Variants in BPIFB6 observed in about 807,000 individuals in gnomAD.
BPIFB6 encodes the protein BPI fold containing family B member 6.
In BPIFB6, 47 loss-of-function variants were observed where a neutral mutation model predicts 54.7. That is an observed-to-expected ratio of 0.86 (90% confidence interval 0.68 to 1.10). BPIFB6 has a LOEUF of 1.10. BPIFB6 is among the 50% of genes least tolerant of loss of function. The pLI, the probability that BPIFB6 is intolerant of heterozygous loss-of-function variation, is 0.00. For synonymous variants in BPIFB6, 255 were observed against 225.9 expected, an observed-to-expected ratio of 1.13 and a Z score of -1.16; for missense variants, 603 against 564.1, an observed-to-expected ratio of 1.07 and a Z score of -0.70.
intron 13 of BPIFB6, 133 bp downstream of exon 13, chr20:33,043,011 G>T (rs73123529): frequency 0.032 from 25,561 of 808,538 alleles, 483 homozygotes; most frequent in Non-Finnish European, 0.038. Flanking sequence ...GAAGATAATT[G>T]CTGAATCTTT....
intron 14 of BPIFB6, 38 bp from the exon 15 acceptor site, chr20:33,043,977 C>G (rs751817674): frequency 1.2e-6 from 2 of 1,613,578 alleles, no homozygotes; most frequent in East Asian, 4.5e-5. Flanking sequence ...CTAGGTGGTC[C>G]CTGGTCATTG....
rs749040484 is a variant in BPIFB6, at chr20:33,043,314, C to A, written c.1276C>A (p.Leu426Ile). 6.2e-7 allele frequency: 1 copy of A among 1,614,074 alleles called. No homozygotes were observed. The highest frequency in any genetic ancestry group is 1.3e-5 in the African/African-American group (1 of 74,916). Residue 426 changes from leucine to isoleucine, a missense_variant, in exon 14 of 15, where the codon CTC (leucine) becomes ATC (isoleucine). Physicochemically the swap from Leu to Ile is conservative, Grantham distance 5. Transcript: ENST00000349552. ...VNDVLQVGLP[L>I]PDFLAMNYNL... is the part of the protein sequence containing the mutation. ...AGATGTGCTTCAAGTGGGGCTCCCA[C>A]TCCCGGACTTTCTGGCCATGAATTA...
In BPIFB6 at chr20:33,043,714, C is replaced by T. The variant is rs79423462; in HGVS notation, c.1330-301C>T. ...TTTACCTAAAGGCACATAGTAAGTG[C>T]TGAATAAATATTACCTTTGTATTGC... On this transcript the variant is annotated intron_variant, in intron 14 of 14. Coordinates refer to ENST00000349552, the MANE Select transcript of BPIFB6 (RefSeq NM_174897.2). Among the ~76,000 whole-genome samples the T allele has an allele frequency of 1.7e-3, 252 of 152,328 alleles. 9 individuals carry two copies. In the East Asian group the frequency reaches 0.047, roughly 28 times the overall value.
In BPIFB6 at chr20:33,039,449, C is replaced by T; in HGVS notation, c.1003C>T (p.His335Tyr). 16 of 1,614,208 alleles carry T rather than the reference C, an allele frequency of 9.9e-6. No individual in the cohort carries two copies. Among genetic ancestry groups the T allele is most frequent in the Non-Finnish European group, 1.4e-5 (16 of 1,180,030 alleles). The change falls in exon 10 of 15, where the codon CAC becomes TAC. Residue 335 changes from histidine (H) to tyrosine (Y), a missense_variant. Physicochemically the swap from His to Tyr is moderately conservative, Grantham distance 83 (BLOSUM62 2). Transcript: ENST00000349552. The part of the protein sequence containing the change: ...MKTGKSLLHL[H>Y]STLEMFAARW... ...GACAGGCAAGAGCCTGCTGCACCTC[C>T]ACAGCACCCTGGAGATGTTCGCAGC...
chr20:33,043,994 T>C (rs756091514), intron 14 of BPIFB6, 21 bp from the exon 15 acceptor site: 1 of 1,614,148 alleles, frequency 6.2e-7, no homozygotes, highest in South Asian at 1.1e-5. Flanking sequence ...ATTGCTCTCC[T>C]ACCCCTTTGC....
At chr20:33,043,520 C>G (rs1048781167) in intron 14 of BPIFB6, among the ~76,000 whole-genome samples, 153 bp downstream of exon 14, 1 of 152,320 alleles carries the variant, frequency 6.6e-6, no homozygotes, top group South Asian at 2.1e-4. Context: ...TAGAACACTC[C>G]TTGACCAGGG....
chr20:33,033,244 GCT>G (rs1979182423), intron 2 of BPIFB6, 161 bp downstream of exon 2: 7 of 694,804 alleles, frequency 1.0e-5, no homozygotes, highest in African/African-American at 1.8e-5. Context: ...GTAGGTCACT[GCT>G]CCTGCCTGTG....
In BPIFB6 at chr20:33,042,016, G is replaced by A. The variant is rs1979611137; in HGVS notation, c.1188+1G>A. On this transcript the variant is annotated splice_donor_variant, in intron 12 of 14. Coordinates refer to ENST00000349552, the MANE Select transcript of BPIFB6 (RefSeq NM_174897.2). LOFTEE classifies it high-confidence loss of function. The stretch of plus-strand genomic sequence containing the variant: ...GTCCTCATCGATTGGCAACTTCAAT[G>A]TAAGTGTCCCAAGTGCTCTTGCCTG... The A allele has an allele frequency of 6.2e-7, 1 of 1,613,964 alleles. No homozygotes were observed. Among genetic ancestry groups the A allele is most frequent in the South Asian group, 1.1e-5 (1 of 91,084 alleles).
rs2070317 is a variant in BPIFB6, at chr20:33,034,277, G to A, written c.289G>A (p.Val97Ile). The change falls in exon 3 of 15, where the codon GTC becomes ATC. Residue 97 changes from valine to isoleucine, a missense_variant. Val to Ile is a conservative substitution (Grantham distance 29). Coordinates refer to ENST00000349552, the MANE Select transcript of BPIFB6 (RefSeq NM_174897.2). Reference sequence around the variant, plus strand: ...CCAATGTGTGTCCACAGGCATGACCGTCACTGGCAAGAGGTGAGTGTGGCA... The same window carrying A: ...CCAATGTGTGTCCACAGGCATGACCATCACTGGCAAGAGGTGAGTGTGGCA... ...IFQCVSTGMT[V>I]TGKSFMGGNM... 834,232 of 1,610,640 alleles carry A rather than the reference G, an allele frequency of 0.52. 219,899 individuals are homozygous for A. The highest frequency in any genetic ancestry group is 0.79 in the East Asian group (35,421 of 44,848).
Position 33,038,982 on chromosome 20 carries a change from A to G in BPIFB6, c.900+20A>G, listed in dbSNP as rs202168665. ...CCTGAAGTGAGTGCCCCACCTCCCC[A>G]TCACCACTGCACCCTGTCCTGCCCT... On this transcript the variant is annotated intron_variant, in intron 9 of 14. Coordinates refer to ENST00000349552, the MANE Select transcript of BPIFB6 (RefSeq NM_174897.2). 1.9e-6 allele frequency: 3 copies of G among 1,613,224 alleles called. No individual in the cohort carries two copies. Among genetic ancestry groups the G allele is most frequent in the East Asian group, 2.2e-5 (1 of 44,852 alleles).
In BPIFB6 at chr20:33,033,071, A is replaced by C; in HGVS notation, c.185A>C (p.Lys62Thr). The change falls in exon 2 of 15, where the codon AAG (lysine) becomes ACG (threonine). Residue 62 changes from lysine to threonine, a missense_variant. Physicochemically the swap from Lys to Thr is moderately conservative, Grantham distance 78 (BLOSUM62 -1). Coordinates refer to ENST00000349552, the MANE Select transcript of BPIFB6 (RefSeq NM_174897.2). ...AAACAGCCAGGGATGAAACCTATCA[A>C]GGGCATCACCAAGTGAGTAGGGGAG... ...GKKQPGMKPI[K>T]GITNLKVKDV... The C allele has an allele frequency of 1.2e-6, 2 of 1,613,604 alleles. No individual in the cohort carries two copies. The highest frequency in any genetic ancestry group is 1.7e-6 in the Non-Finnish European group (2 of 1,179,544).
At position 33,031,716 on chromosome 20, in the gene BPIFB6, G is replaced by C. The variant is rs770600762; in HGVS notation, c.69G>C (p.Leu23=). 2 of 1,614,126 alleles carry C rather than the reference G, an allele frequency of 1.2e-6. No individual in the cohort carries two copies. Among genetic ancestry groups the C allele is most frequent in the Admixed American group, 1.7e-5 (1 of 60,018 alleles). ...LTGTRADPGA[L]LRLGMDIMNQ... ...GCACGCGAGCTGACCCTGGGGCACT[G>C]CTGCGGTTGGGCATGGACATCATGA... Residue 23 remains leucine (L), a synonymous_variant, in exon 1 of 15, where the codon CTG becomes CTC. Coordinates refer to ENST00000349552, the MANE Select transcript of BPIFB6 (RefSeq NM_174897.2).
intron 11 of BPIFB6, 41 bp downstream of exon 11, chr20:33,040,359 C>T (rs1979529364): frequency 6.3e-7 from 1 of 1,589,852 alleles, no homozygotes; most frequent in Non-Finnish European, 8.6e-7. Flanking sequence ...CTGTTACCTT[C>T]ACATTTGGCC....
At chr20:33,033,229 C>G (rs1195436363) in intron 2 of BPIFB6, 146 bp downstream of exon 2, 1 of 715,470 alleles carries the variant, frequency 1.4e-6, no homozygotes, top group East Asian at 2.8e-5. Flanking sequence ...GCTGTGTGGC[C>G]TTGGGTAGGT....
chr20:33,039,518 G>A lies in BPIFB6; in HGVS notation c.1072G>A (p.Val358Met). 6.2e-7 allele frequency: 1 copy of A among 1,602,774 alleles called. No homozygotes were observed. ...TCCAATGTCCCTCTTTCTCCTAGAA[G>A]TGGTGAGGGAAATCGTTCCCTTCCC... ...KAPMSLFLLE[V>M]HFNLKVQYSV... Residue 358 changes from valine (V) to methionine (M), a missense_variant and splice_region_variant, in exon 10 of 15, where the codon GTG (valine) becomes ATG (methionine). Transcript: ENST00000349552.
At chr20:33,035,469 C>T (rs1979296537) in intron 5 of BPIFB6, 143 bp from the exon 6 acceptor site, 1 of 841,066 alleles carries the variant, frequency 1.2e-6, no homozygotes, top group African/African-American at 1.7e-5. Flanking sequence ...CTGCCATTTA[C>T]TTTCTGTGGG....
chr20:33,032,988 C>T lies in BPIFB6; in HGVS notation c.102C>T (p.Val34=), dbSNP rs557076992. 73 of 1,613,566 alleles carry T rather than the reference C, an allele frequency of 4.5e-5. 1 individual carries two copies. The South Asian group carries it at 7.2e-4, about 16-fold the overall frequency. The change falls in exon 2 of 15, where the codon GTC becomes GTT. Residue 34 remains valine, a synonymous_variant. Coordinates refer to ENST00000349552, the MANE Select transcript of BPIFB6 (RefSeq NM_174897.2). ...LRLGMDIMNQ[V]QSAMDESHIL... is the part of the protein sequence containing the mutation. ...AACTAAGTGTCTCCACTCCAGAGGT[C>T]CAGAGCGCCATGGATGAGAGTCATA... is the stretch of plus-strand genomic sequence containing the variant.
At chr20:33,035,950 G>T (rs565378889) in intron 6 of BPIFB6, among the ~76,000 whole-genome samples, 1 of 152,090 alleles carries the variant, frequency 6.6e-6, no homozygotes, top group Non-Finnish European at 1.5e-5. Context: ...CACAAGCCTC[G>T]TGCCTATGTA....
rs374070367 is a variant in BPIFB6 at position 33,043,302 on chromosome 20, G to C, written c.1264G>C (p.Val422Leu). ...YIPVVNDVLQ[V>L]GLPLPDFLAM... ...ACTGTATTTCTCAGATGTGCTTCAAGTGGGGCTCCCACTCCCGGACTTTCT... is the reference window on the plus strand; with the variant it reads ...ACTGTATTTCTCAGATGTGCTTCAACTGGGGCTCCCACTCCCGGACTTTCT... The change falls in exon 14 of 15, where the codon GTG becomes CTG. Residue 422 changes from valine (V) to leucine (L), a missense_variant. By Grantham distance (32) the Val-to-Leu change is conservative (BLOSUM62 1). Coordinates refer to ENST00000349552, the MANE Select transcript of BPIFB6 (RefSeq NM_174897.2). 145 of 1,614,040 alleles carry C rather than the reference G, an allele frequency of 9.0e-5. No individual in the cohort carries two copies. Among genetic ancestry groups the C allele is most frequent in the Middle Eastern group, 4.9e-4 (3 of 6,084 alleles).
Sources: gnomAD v4.1 joint callset for allele counts (sites outside exome capture counted in the v4.1 genomes callset) on GRCh38, gnomAD v4.1.1 for gene constraint, MANE v1.5 for transcripts, NCBI Gene and HGNC (gene_info 2026-07-23, HGNC 2026-07-21) for gene names.